Variants in KCNIP4 observed in about 807,000 individuals in gnomAD.
The protein encoded by KCNIP4 is Kv channel-interacting protein 4.
Under a neutral mutation model 34.0 loss-of-function variants are expected in KCNIP4, and 12 were observed. The observed-to-expected ratio is 0.35, with a 90% CI of 0.23 to 0.57. KCNIP4 has a LOEUF of 0.57. Ranked by LOEUF, KCNIP4 falls within the 20% of genes least tolerant of loss-of-function variation. The pLI, the probability that KCNIP4 is intolerant of heterozygous loss-of-function variation, is 0.83. For synonymous variants in KCNIP4, 124 were observed against 102.2 expected (o/e 1.21, Z -1.29); for missense variants, 238 against 311.7 (o/e 0.76, Z 1.78).
intron 1 of KCNIP4, among the ~76,000 whole-genome samples, chr4:21,195,981 C>T (rs79993648): frequency 0.029 from 4,387 of 152,218 alleles, 208 homozygotes; most frequent in African/African-American, 0.1. Context: ...TCAAGTTTCC[C>T]GGCTTCTCTT....
chr4:21,532,072 T>A (rs770174970), intron 1 of KCNIP4, among the ~76,000 whole-genome samples: 1 of 152,180 alleles, frequency 6.6e-6, no homozygotes, highest in South Asian at 2.1e-4. Context: ...GAAAATCATT[T>A]CTGATGTGTC....
At chr4:20,780,940 G>T (rs1190118786) in intron 3 of KCNIP4, among the ~76,000 whole-genome samples, 1 of 152,090 alleles carries the variant, frequency 6.6e-6, no homozygotes, top group African/African-American at 2.4e-5. Flanking sequence ...CTTGCTCTTT[G>T]TTCTTTACAG....
At chr4:21,371,942 C>T in intron 1 of KCNIP4, among the ~76,000 whole-genome samples, 1 of 145,692 alleles carries the variant, frequency 6.9e-6, no homozygotes, top group East Asian at 2.0e-4. Context: ...GAGTAGCTTA[C>T]ACACACACAC....
intron 1 of KCNIP4, among the ~76,000 whole-genome samples, chr4:21,400,863 G>C (rs1230478835): frequency 6.6e-6 from 1 of 152,118 alleles, no homozygotes; most frequent in Non-Finnish European, 1.5e-5. Flanking sequence ...TCTGGGACTA[G>C]AAACCAATGA....
intron 1 of KCNIP4, among the ~76,000 whole-genome samples, chr4:21,112,875 T>C (rs975876762): frequency 6.6e-6 from 1 of 152,010 alleles, no homozygotes; most frequent in African/African-American, 2.4e-5. Flanking sequence ...TTTTCTCCAA[T>C]AGCCAGGGAG....
intron 1 of KCNIP4, among the ~76,000 whole-genome samples, chr4:21,881,036 G>A (rs1726430156): frequency 1.3e-5 from 2 of 152,134 alleles, no homozygotes; most frequent in Non-Finnish European, 2.9e-5. Flanking sequence ...TTGTTAAGCT[G>A]TAATTGTTGT....
At chr4:21,523,938 T>C (rs1465892291) in intron 1 of KCNIP4, among the ~76,000 whole-genome samples, 1 of 152,114 alleles carries the variant, frequency 6.6e-6, no homozygotes, top group African/African-American at 2.4e-5. Context: ...TATTGGATAA[T>C]GTATTTCTTC....
At chr4:21,322,494 C>T (rs1714605486) in intron 1 of KCNIP4, among the ~76,000 whole-genome samples, 1 of 152,010 alleles carries the variant, frequency 6.6e-6, no homozygotes. Flanking sequence ...ATTATAATAC[C>T]ATCCTGGCAC....
At chr4:21,109,426 T>C (rs1033321794) in intron 1 of KCNIP4, among the ~76,000 whole-genome samples, 13 of 152,254 alleles carry the variant, frequency 8.5e-5, no homozygotes, top group Non-Finnish European at 1.9e-4. Flanking sequence ...TATAATCTCC[T>C]GGTGTGCCGT....
intron 1 of KCNIP4, among the ~76,000 whole-genome samples, chr4:21,359,573 T>A (rs562442396): frequency 6.6e-6 from 1 of 152,294 alleles, no homozygotes; most frequent in Non-Finnish European, 1.5e-5. Flanking sequence ...ACCCTGGTTC[T>A]CTTTTTGGAT....
At chr4:21,321,728 G>A (rs1714450846) in intron 1 of KCNIP4, among the ~76,000 whole-genome samples, 1 of 150,030 alleles carries the variant, frequency 6.7e-6, no homozygotes, top group Admixed American at 6.7e-5. Flanking sequence ...GCAGGAGGGA[G>A]GCAGTGGGAG....
intron 3 of KCNIP4, among the ~76,000 whole-genome samples, chr4:20,760,317 T>G (rs904718834): frequency 3.9e-5 from 6 of 152,162 alleles, no homozygotes; most frequent in Non-Finnish European, 8.8e-5. Context: ...GACCTGACTT[T>G]AGACATGAAT....
At chr4:21,670,709 G>A (rs1749417232) in intron 1 of KCNIP4, among the ~76,000 whole-genome samples, 1 of 152,090 alleles carries the variant, frequency 6.6e-6, no homozygotes, top group Admixed American at 6.5e-5. Context: ...AGGCTGGAGT[G>A]CAGTGGCGCG....
chr4:20,745,479 T>C (rs1390801567), intron 5 of KCNIP4, among the ~76,000 whole-genome samples: 1 of 152,178 alleles, frequency 6.6e-6, no homozygotes, highest in Non-Finnish European at 1.5e-5. Flanking sequence ...TTTTGCTCCG[T>C]GCTTTTCTGA....
At chr4:21,531,166 G>A (rs1230276357) in intron 1 of KCNIP4, among the ~76,000 whole-genome samples, 1 of 152,134 alleles carries the variant, frequency 6.6e-6, no homozygotes, top group African/African-American at 2.4e-5. Context: ...CAGCTTGCAA[G>A]CTTGCAATTC....
At chr4:21,602,882 T>C (rs1025255869) in intron 1 of KCNIP4, among the ~76,000 whole-genome samples, 3 of 152,154 alleles carry the variant, frequency 2.0e-5, no homozygotes, top group Non-Finnish European at 4.4e-5. Flanking sequence ...AAACCAATCA[T>C]TGAATTTGAA....
At chr4:21,065,074 A>C (rs1010074674) in intron 1 of KCNIP4, among the ~76,000 whole-genome samples, 5 of 152,150 alleles carry the variant, frequency 3.3e-5, no homozygotes, top group Admixed American at 3.3e-4. Flanking sequence ...TGTCATGGGA[A>C]CTCCCCAGCC....
chr4:21,918,061 T>C (rs949118234), intron 1 of KCNIP4, among the ~76,000 whole-genome samples: 1 of 152,152 alleles, frequency 6.6e-6, no homozygotes. Context: ...CATTAGGTGG[T>C]GGCAACATGT....
intron 1 of KCNIP4, among the ~76,000 whole-genome samples, chr4:21,272,193 T>C (rs747275607): frequency 1.3e-5 from 2 of 152,190 alleles, no homozygotes; most frequent in Non-Finnish European, 1.5e-5. Context: ...CGTTTCATCA[T>C]ACATAATTCA....
Sources: allele counts gnomAD v4.1 joint callset (sites outside exome capture counted in the v4.1 genomes callset), GRCh38; gene constraint gnomAD v4.1.1; transcripts MANE v1.5; gene names NCBI Gene and HGNC (gene_info 2026-07-23, HGNC 2026-07-21).